POFUT2: variants seen among roughly 807,000 people sequenced by gnomAD.
POFUT2 encodes the protein protein O-fucosyltransferase 2.
Under a neutral mutation model 55.0 loss-of-function variants are expected in POFUT2, and 30 were observed. That is an observed-to-expected ratio of 0.55 (90% CI 0.41 to 0.74). The LOEUF (loss-of-function observed/expected upper bound fraction) is 0.74, where lower values mean the gene tolerates loss of function less well. Among genes scored for constraint, POFUT2 ranks in the 30% least tolerant of loss-of-function variants. POFUT2 has a pLI of 0.00. For synonymous variants in POFUT2, 267 were observed against 231.1 expected, an observed-to-expected ratio of 1.16 and a Z score of -1.41; for missense variants, 524 against 562.6, an observed-to-expected ratio of 0.93 and a Z score of 0.69.
At position 45,285,908 on chromosome 21, in the gene POFUT2, T is replaced by C. The variant is rs778544691; in HGVS notation, c.152A>G (p.Asn51Ser). Residue 51 changes from asparagine to serine, a missense_variant, in exon 2 of 9, where the codon AAC (asparagine) becomes AGC (serine). This residue lies in a region of POFUT2 where 274 missense variants were observed against 244.4 expected (regional missense o/e 1.12). Transcript: ENST00000349485. The surrounding 1 kb of genome is among the most constrained non-coding windows in gnomAD (Gnocchi z 4.9). ...GCGCAGGTTGAAGCCTTCCGGGGGG[T>C]TGACGTCATACAGAAGATACCTGAG... ...SRRRYLLYDV[N>S]PPEGFNLRRD... 1.2e-6 allele frequency: 2 copies of C among 1,609,208 alleles called. No homozygotes were observed. The highest frequency in any genetic ancestry group is 1.7e-6 in the Non-Finnish European group (2 of 1,178,040).
Position 45,265,927 on chromosome 21 carries a change from C to G in POFUT2, c.1137-292G>C. 7.8e-7 allele frequency: 1 copy of G among 1,283,304 alleles called. No individual in the cohort carries two copies. Among genetic ancestry groups the G allele is most frequent in the Non-Finnish European group, 1.0e-6 (1 of 1,002,200 alleles). 79.5% of individuals were successfully genotyped at this position (1,283,304 alleles called of 1,614,324 possible). On this transcript the variant is annotated intron_variant, in intron 8 of 8. Transcript: ENST00000349485. The surrounding 1 kb of genome is among the most constrained non-coding windows in gnomAD (Gnocchi z 4.6). ...CCCACCGCATGTCCCCCTGGGAGCC[C>G]TCCTCTCCGTCACCAAATCCCAGGC...
Position 45,280,840 on chromosome 21 carries a change from G to A in POFUT2, c.638+1509C>T, listed in dbSNP as rs368442776. Among the ~76,000 whole-genome samples, 30 of 152,056 alleles carry A rather than the reference G, an allele frequency of 2.0e-4. No homozygotes were observed. The East Asian group carries it at 4.2e-3, about 22-fold the overall frequency. ...GCCCGTCCCTCACTCGCTGAGTTTC[G>A]TCTCCTGTATCCCAGAGAGTCCTTA... is the stretch of plus-strand genomic sequence containing the variant. On this transcript the variant is annotated intron_variant, in intron 4 of 8. Coordinates refer to ENST00000349485, the MANE Select transcript of POFUT2 (RefSeq NM_133635.6).
At position 45,287,881 on chromosome 21, in the gene POFUT2, CG is replaced by C; in HGVS notation, c.-11del. On this transcript the variant is annotated 5_prime_UTR_variant, in exon 1 of 9. Transcript: ENST00000349485. ...AGCTGAGTGTCGCCATGGCCCCGGG[CG>C]GCCACGCACTTCCGGCGGCCGCGCC... The C allele has an allele frequency of 7.5e-7, 1 of 1,327,390 alleles. No homozygotes were observed. Among genetic ancestry groups the C allele is most frequent in the Non-Finnish European group, 9.7e-7 (1 of 1,030,940 alleles). 82.2% of individuals were successfully genotyped at this position (1,327,390 alleles called of 1,614,324 possible).
chr21:45,277,188 C>G lies in POFUT2; in HGVS notation c.706-46G>C. On this transcript the variant is annotated intron_variant, in intron 5 of 8. Transcript: ENST00000349485. The surrounding 1 kb of genome is among the most constrained non-coding windows in gnomAD (Gnocchi z 6.9). ...CGGCTGAGAACACGCCCGCCCGCCA[C>G]GCAGCCCTCCCGGAGCGGGTTCTCC... 1 of 1,595,912 alleles carries G rather than the reference C, an allele frequency of 6.3e-7. No individual in the cohort carries two copies. Among genetic ancestry groups the G allele is most frequent in the Non-Finnish European group, 8.5e-7 (1 of 1,173,656 alleles).
rs1007328437 is a variant in POFUT2, at chr21:45,267,185, C to T, written c.1136+405G>A. The T allele has an allele frequency of 7.4e-6, 10 of 1,351,126 alleles. No individual in the cohort carries two copies. The East Asian group carries it at 9.2e-5, about 12-fold the overall frequency. 83.7% of individuals were successfully genotyped at this position (1,351,126 alleles called of 1,614,324 possible). A position where few individuals can be genotyped will look rare whatever the true frequency, so the allele number is the denominator to read the frequency against. On this transcript the variant is annotated intron_variant, in intron 8 of 8. Coordinates refer to ENST00000349485, the MANE Select transcript of POFUT2 (RefSeq NM_133635.6). This position sits in a 1 kb window ranked among gnomAD's most constrained non-coding sequence, Gnocchi z 4.4. ...GAATGATCACACGAGGGCCCACGCT[C>T]CCGGCCTCGGGGACGCTCACGGATG...
At chr21:45,279,420 C>CA (rs1282238802) in intron 4 of POFUT2, among the ~76,000 whole-genome samples, 1 of 151,976 alleles carries the variant, frequency 6.6e-6, no homozygotes, top group East Asian at 1.9e-4. Context: ...AACAAACAAA[C>CA]AAAAAAATGT....
chr21:45,266,186 C>T, intron 8 of POFUT2: 3 of 1,367,548 alleles, frequency 2.2e-6, no homozygotes, highest in Non-Finnish European at 2.9e-6. Context: ...TCCTCCGGCT[C>T]CTGCGCAGCT....
Position 45,264,342 on chromosome 21 carries a change from G to A in POFUT2, c.*1140C>T, listed in dbSNP as rs564993259. 7.2e-5 allele frequency: 11 copies of A among 152,466 alleles called. No homozygotes were observed. The highest frequency in any genetic ancestry group is 1.4e-4 in the African/African-American group (6 of 41,586). The allele number at this position is 152,466 out of a possible 1,614,324, so 9.4% of individuals were successfully genotyped here. ...GGGTCACACGACACCATGGTGGAAA[G>A]TCACAAAGGGTAACGGGCCAAGAGG... On this transcript the variant is annotated 3_prime_UTR_variant, in exon 9 of 9. Transcript: ENST00000349485.
rs752004684 is a variant in POFUT2 at position 45,265,788 on chromosome 21, G to T, written c.1137-153C>A. On this transcript the variant is annotated intron_variant, in intron 8 of 8. Transcript: ENST00000349485. This position sits in a 1 kb window ranked among gnomAD's most constrained non-coding sequence, Gnocchi z 4.6. ...TCCCCCGAGCACCCACCAGCCGGCC[G>T]CCCCCTTGCTGGCACCCCTCGCTCA... 7.0e-7 allele frequency: 1 copy of T among 1,427,028 alleles called. No individual in the cohort carries two copies. Among genetic ancestry groups the T allele is most frequent in the Non-Finnish European group, 9.1e-7 (1 of 1,094,156 alleles). 88.4% of individuals were successfully genotyped at this position (1,427,028 alleles called of 1,614,324 possible).
rs2093149183 is a variant in POFUT2 at position 45,265,892 on chromosome 21, A to G, written c.1137-257T>C. The G allele has an allele frequency of 7.5e-7, 1 of 1,337,114 alleles. No individual in the cohort carries two copies. The highest frequency in any genetic ancestry group is 9.6e-7 in the Non-Finnish European group (1 of 1,036,894). 82.8% of individuals were successfully genotyped at this position (1,337,114 alleles called of 1,614,324 possible). On this transcript the variant is annotated intron_variant, in intron 8 of 8. Coordinates refer to ENST00000349485, the MANE Select transcript of POFUT2 (RefSeq NM_133635.6). This position sits in a 1 kb window ranked among gnomAD's most constrained non-coding sequence, Gnocchi z 4.6. Reference sequence around the variant, plus strand: ...CCACACCCCACAGTCAGCAGCCGCCACGCTCCTGTCCCACCGCATGTCCCC... The same window carrying G: ...CCACACCCCACAGTCAGCAGCCGCCGCGCTCCTGTCCCACCGCATGTCCCC...
intron 6 of POFUT2, 138 bp downstream of exon 6, chr21:45,276,879 A>T: frequency 1.1e-6 from 1 of 917,934 alleles, no homozygotes. Flanking sequence ...ACTGTGACTC[A>T]CATTCCAGAG....
At chr21:45,272,691 T>G (rs2093229459) in intron 6 of POFUT2, among the ~76,000 whole-genome samples, 1 of 152,154 alleles carries the variant, frequency 6.6e-6, no homozygotes, top group Non-Finnish European at 1.5e-5. Context: ...AAATCAAAAT[T>G]ATGTCAAGTA....
rs949066517 is a variant in POFUT2, at chr21:45,267,947, A to C, written c.1013-234T>G. On this transcript the variant is annotated intron_variant, in intron 7 of 8. Coordinates refer to ENST00000349485, the MANE Select transcript of POFUT2 (RefSeq NM_133635.6). The surrounding 1 kb of genome is among the most constrained non-coding windows in gnomAD (Gnocchi z 4.4). ...CTACCCAGAACAGAACCAGGGATCA[A>C]GAAGAAAGGAAAGAAACGTGCTCCC... is the stretch of plus-strand genomic sequence containing the variant. Among the ~76,000 whole-genome samples, 1 of 152,150 alleles carries C rather than the reference A, an allele frequency of 6.6e-6. No homozygotes were observed. The highest frequency in any genetic ancestry group is 1.5e-5 in the Non-Finnish European group (1 of 68,012).
Position 45,265,450 on chromosome 21 carries a change from C to A in POFUT2, c.*32G>T. ...AGAACCTGCATCCACCCGCGCCTGT[C>A]GGGTCCGGGGAGCGGCCCTGGAGGA... is the stretch of plus-strand genomic sequence containing the variant. On this transcript the variant is annotated 3_prime_UTR_variant, in exon 9 of 9. Transcript: ENST00000349485. The surrounding 1 kb of genome is among the most constrained non-coding windows in gnomAD (Gnocchi z 4.6). 2 of 1,577,846 alleles carry A rather than the reference C, an allele frequency of 1.3e-6. No individual in the cohort carries two copies. The highest frequency in any genetic ancestry group is 1.7e-6 in the Non-Finnish European group (2 of 1,161,208).
At chr21:45,278,981 G>T (rs1401098725) in intron 4 of POFUT2, among the ~76,000 whole-genome samples, 1 of 152,134 alleles carries the variant, frequency 6.6e-6, no homozygotes, top group Non-Finnish European at 1.5e-5. Flanking sequence ...TCCCCCCAGG[G>T]CTCTTGATGC....
rs1454804624 is a variant in POFUT2 at position 45,277,852 on chromosome 21, G to T, written c.705+251C>A. 1.8e-6 allele frequency: 1 copy of T among 565,344 alleles called. No homozygotes were observed. Among genetic ancestry groups the T allele is most frequent in the African/African-American group, 1.9e-5 (1 of 52,966 alleles). The allele number at this position is 565,344 out of a possible 1,614,324, so 35.0% of individuals were successfully genotyped here. ...ACTCCGGGGCTGACTCCAGGGCGCT[G>T]CCACCGCATTCAGGGCCTGTGGCAT... On this transcript the variant is annotated intron_variant, in intron 5 of 8. Coordinates refer to ENST00000349485, the MANE Select transcript of POFUT2 (RefSeq NM_133635.6). This position sits in a 1 kb window ranked among gnomAD's most constrained non-coding sequence, Gnocchi z 6.9.
chr21:45,265,184 C>A lies in POFUT2; in HGVS notation c.*298G>T. 1 of 291,136 alleles carries A rather than the reference C, an allele frequency of 3.4e-6. No homozygotes were observed. Among genetic ancestry groups the A allele is most frequent in the East Asian group, 6.1e-5 (1 of 16,336 alleles). 18.0% of individuals were successfully genotyped at this position (291,136 alleles called of 1,614,324 possible). A position where few individuals can be genotyped will look rare whatever the true frequency, so the allele number is the denominator to read the frequency against. On this transcript the variant is annotated 3_prime_UTR_variant, in exon 9 of 9. Transcript: ENST00000349485. This position sits in a 1 kb window ranked among gnomAD's most constrained non-coding sequence, Gnocchi z 4.6. ...CAGAGCGGGAGCCTGACAAACACTC[C>A]TGCTTCTGGGTCACCACGCGGGCAC...
In POFUT2 at chr21:45,279,188, G is replaced by T. The variant is rs541743753; in HGVS notation, c.639-1019C>A. Among the ~76,000 whole-genome samples, 484 of 144,060 alleles carry T rather than the reference G, an allele frequency of 3.4e-3. 1 individual carries two copies. The highest frequency in any genetic ancestry group is 4.8e-3 in the Non-Finnish European group (315 of 66,256). 94.5% of individuals were successfully genotyped at this position (144,060 alleles called of 152,430 possible). A position where few individuals can be genotyped will look rare whatever the true frequency, so the allele number is the denominator to read the frequency against. ...GGGCGGATCACGAGGTCAGGAGATCGAGACCATCCTGGCTAAGACGGTGAA... is the reference window on the plus strand; with the variant it reads ...GGGCGGATCACGAGGTCAGGAGATCTAGACCATCCTGGCTAAGACGGTGAA... On this transcript the variant is annotated intron_variant, in intron 4 of 8. Transcript: ENST00000349485.
intron 8 of POFUT2, chr21:45,266,215 G>T (rs377065031): frequency 1.5e-6 from 2 of 1,367,474 alleles, no homozygotes; most frequent in Non-Finnish European, 2.0e-6. Flanking sequence ...GCTCTCCAGC[G>T]GCACTTCATG....
Sources: gnomAD v4.1 joint callset for allele counts (sites outside exome capture counted in the v4.1 genomes callset) on GRCh38, gnomAD v4.1.1 for gene constraint, gnomAD v4.1.1 regional missense constraint, Gnocchi (gnomAD v3.1) non-coding constraint, MANE v1.5 for transcripts, NCBI Gene and HGNC (gene_info 2026-07-23, HGNC 2026-07-21) for gene names.